GFRA2: variants seen among roughly 807,000 people sequenced by gnomAD.
GFRA2 encodes GDNF family receptor alpha 2.
In GFRA2, 17 loss-of-function variants were observed where a neutral mutation model predicts 48.3. That is an observed-to-expected ratio of 0.35 (90% CI 0.24 to 0.53). GFRA2 has a LOEUF of 0.53. Ranked by LOEUF, GFRA2 falls within the 20% of genes least tolerant of loss-of-function variation. The probability of loss-of-function intolerance (pLI) is 0.93; values close to 1 mark genes in which losing one functional copy is unlikely to be tolerated. For missense variants in GFRA2, 660 were observed against 637.3 expected, an observed-to-expected ratio of 1.04 and a Z score of -0.38; for synonymous variants, 305 against 257.2, an observed-to-expected ratio of 1.19 and a Z score of -1.78.
chr8:21,789,425 C>G (rs1054828876), upstream of GFRA2, among the ~76,000 whole-genome samples: 44 of 152,040 alleles, frequency 2.9e-4, no homozygotes, highest in Non-Finnish European at 5.3e-4. Flanking sequence ...GCGCGGAGTC[C>G]GTGGGGCCCG....
chr8:21,745,030 C>T lies in GFRA2; in HGVS notation c.794+5558G>A, dbSNP rs556849342. Among the ~76,000 whole-genome samples, 184 of 152,330 alleles carry T rather than the reference C, an allele frequency of 1.2e-3. 1 individual carries two copies. Among genetic ancestry groups the T allele is most frequent in the African/African-American group, 4.3e-3 (177 of 41,578 alleles). On this transcript the variant is annotated intron_variant, in intron 4 of 8. Transcript: ENST00000524240. ...TCCCAAAACCCCGAGGCCCAGCAAG[C>T]AGATATCCTTGTTTAACCAAGGCAT...
In GFRA2 at chr8:21,782,793, G is replaced by C. The variant is rs948241167; in HGVS notation, c.147C>G (p.Ala49=). ...DCVRANELCA[A]ESNCSSRYRT... ...GGTAGCGAGAGCTGCAGTTGGATTC[G>C]GCGGCACACAGCTCATTGGCCCGGA... The change falls in exon 2 of 9, where the codon GCC becomes GCG. Residue 49 remains alanine (A), a synonymous_variant. Transcript: ENST00000524240. 1.6e-5 allele frequency: 26 copies of C among 1,585,150 alleles called. No homozygotes were observed. Among genetic ancestry groups the C allele is most frequent in the Non-Finnish European group, 2.1e-5 (25 of 1,169,962 alleles).
chr8:21,709,005 GA>G (rs35662880), intron 4 of GFRA2, among the ~76,000 whole-genome samples: 2,684 of 152,328 alleles, frequency 0.018, 37 homozygotes, highest in Middle Eastern at 0.051. Context: ...AAGCTAAGGG[GA>G]TATGATCAGG....
At chr8:21,699,747 C>A (rs561473739) in intron 7 of GFRA2, among the ~76,000 whole-genome samples, 6 of 152,228 alleles carry the variant, frequency 3.9e-5, no homozygotes, top group African/African-American at 1.4e-4. Context: ...AAGAGAGCTG[C>A]GGGCACTGAA....
intron 1 of GFRA2, among the ~76,000 whole-genome samples, chr8:21,784,487 C>A (rs1236531884): frequency 1.3e-5 from 2 of 152,230 alleles, no homozygotes; most frequent in Non-Finnish European, 2.9e-5. Context: ...CCCCGGGAGG[C>A]CCTGCTCAGG....
At chr8:21,743,730 T>A (rs991008455) in intron 4 of GFRA2, among the ~76,000 whole-genome samples, 3 of 152,220 alleles carry the variant, frequency 2.0e-5, no homozygotes, top group Non-Finnish European at 4.4e-5. Flanking sequence ...GGAACATCCA[T>A]GCTGCCCCTC....
intron 2 of GFRA2, among the ~76,000 whole-genome samples, chr8:21,801,325 C>T (rs976118336): frequency 9.8e-4 from 149 of 152,210 alleles, no homozygotes; most frequent in African/African-American, 3.4e-3. Context: ...GAGGACAGGG[C>T]TAATGTTGTG....
chr8:21,725,487 T>A (rs1320559198), intron 4 of GFRA2, among the ~76,000 whole-genome samples: 1 of 152,256 alleles, frequency 6.6e-6, no homozygotes, highest in Non-Finnish European at 1.5e-5. Flanking sequence ...AACCTGTATT[T>A]TTATGCTGTT....
intron 4 of GFRA2, among the ~76,000 whole-genome samples, chr8:21,737,868 G>A (rs954495999): frequency 2.0e-5 from 3 of 152,092 alleles, no homozygotes; most frequent in African/African-American, 7.2e-5. Context: ...TGGTTCACAC[G>A]GGTGAGCCCT....
intron 4 of GFRA2, among the ~76,000 whole-genome samples, chr8:21,715,149 C>T (rs1282184485): frequency 6.6e-6 from 1 of 152,208 alleles, no homozygotes; most frequent in East Asian, 1.9e-4. Context: ...CCTGCCACCA[C>T]TGGTTTCATG....
chr8:21,695,473 T>A (rs553819464), intron 7 of GFRA2, among the ~76,000 whole-genome samples: 116 of 152,238 alleles, frequency 7.6e-4, no homozygotes, highest in African/African-American at 2.5e-3. Context: ...ACCCAGGGCA[T>A]CTGGTCAGCT....
At chr8:21,749,854 C>T (rs1464764792) in intron 4 of GFRA2, among the ~76,000 whole-genome samples, 1 of 151,762 alleles carries the variant, frequency 6.6e-6, no homozygotes, top group Non-Finnish European at 1.5e-5. Context: ...ATCCCTTCAC[C>T]TATAAAATAG....
At chr8:21,716,834 C>A (rs1803361829) in intron 4 of GFRA2, among the ~76,000 whole-genome samples, 1 of 152,192 alleles carries the variant, frequency 6.6e-6, no homozygotes, top group African/African-American at 2.4e-5. Flanking sequence ...CAACCCTAGC[C>A]CAAAGGACCT....
chr8:21,748,923 C>T (rs1805138689), intron 4 of GFRA2, among the ~76,000 whole-genome samples: 1 of 152,226 alleles, frequency 6.6e-6, no homozygotes. Flanking sequence ...GCTTTTCCAA[C>T]AGGCTTCTTC....
At chr8:21,725,313 T>C (rs1410258254) in intron 4 of GFRA2, among the ~76,000 whole-genome samples, 2 of 152,140 alleles carry the variant, frequency 1.3e-5, no homozygotes, top group Non-Finnish European at 2.9e-5. Flanking sequence ...TCGGCAGCTG[T>C]GGTCAGCAAC....
intron 4 of GFRA2, among the ~76,000 whole-genome samples, chr8:21,729,191 T>A (rs1159295904): frequency 6.6e-6 from 1 of 152,104 alleles, no homozygotes; most frequent in African/African-American, 2.4e-5. Context: ...AGGAGCCAGG[T>A]GTGTTGGGTC....
chr8:21,709,648 G>C (rs1001999647), intron 4 of GFRA2, among the ~76,000 whole-genome samples: 3 of 152,152 alleles, frequency 2.0e-5, no homozygotes, highest in Non-Finnish European at 4.4e-5. Context: ...ATCTCCCTTG[G>C]GGAGCACACT....
At chr8:21,777,779 G>A (rs1371790323) in intron 2 of GFRA2, among the ~76,000 whole-genome samples, 10 of 152,122 alleles carry the variant, frequency 6.6e-5, no homozygotes, top group Non-Finnish European at 1.5e-4. Flanking sequence ...ATAAGGAGTC[G>A]GGGCCCTGGG....
upstream of GFRA2, among the ~76,000 whole-genome samples, chr8:21,789,592 C>T (rs1020425241): frequency 6.6e-6 from 1 of 152,168 alleles, no homozygotes; most frequent in African/African-American, 2.4e-5. Flanking sequence ...AAGGAATTAT[C>T]CCCTTCGGCG....
Sources: allele counts gnomAD v4.1 joint callset (sites outside exome capture counted in the v4.1 genomes callset), GRCh38; gene constraint gnomAD v4.1.1; transcripts MANE v1.5; gene names NCBI Gene and HGNC (gene_info 2026-07-23, HGNC 2026-07-21).